ULK4: variants seen among roughly 807,000 people sequenced by gnomAD.
ULK4 encodes unc-51 like kinase 4, also known as inactive serine/threonine-protein kinase ULK4.
A neutral mutation model predicts 160.6 loss-of-function variants in ULK4; 133 were observed. The ratio of observed to expected loss-of-function variants is 0.83; its 90% CI spans 0.72 to 0.96. The LOEUF (loss-of-function observed/expected upper bound fraction) is 0.96. Ranked by LOEUF, ULK4 falls within the 40% of genes least tolerant of loss-of-function variation. The pLI is 0.00. For synonymous variants in ULK4, 534 were observed against 539.8 expected (o/e 0.99, Z 0.15); for missense variants, 1,580 against 1,499.5 (o/e 1.05, Z -0.89).
rs114080594 is a variant in ULK4, at chr3:41,596,223, T to C, written c.3120+19446A>G. 2.5e-3 allele frequency among the ~76,000 whole-genome samples: 376 copies of C among 152,218 alleles called. 1 individual carries two copies. Among genetic ancestry groups the C allele is most frequent in the African/African-American group, 8.2e-3 (340 of 41,512 alleles). On this transcript the variant is annotated intron_variant, in intron 31 of 36. Transcript: ENST00000301831. ...TAAGGCAGCTGCACATTGGGGGCAT[T>C]TGTTTTAGAGGGCAGGAATCATACA...
intron 32 of ULK4, among the ~76,000 whole-genome samples, chr3:41,533,548 G>A (rs1284032999): frequency 6.6e-6 from 1 of 152,220 alleles, no homozygotes; most frequent in Non-Finnish European, 1.5e-5. Flanking sequence ...GCAAGCCATG[G>A]CCTGTGGGCT....
intron 27 of ULK4, among the ~76,000 whole-genome samples, chr3:41,690,668 C>T (rs2036266296): frequency 6.6e-6 from 1 of 151,624 alleles, no homozygotes; most frequent in African/African-American, 2.4e-5. Context: ...CCCCCATCCC[C>T]TTTCTTCATC....
intron 35 of ULK4, among the ~76,000 whole-genome samples, chr3:41,316,571 C>T (rs2080146530): frequency 6.6e-6 from 1 of 152,234 alleles, no homozygotes; most frequent in South Asian, 2.1e-4. Context: ...ACTGAGCACA[C>T]ATGGGCATAA....
intron 34 of ULK4, among the ~76,000 whole-genome samples, chr3:41,424,831 CAAAAAAAA>C (rs36097613): frequency 1.6e-5 from 1 of 62,402 alleles, no homozygotes; most frequent in East Asian, 5.8e-4. Context: ...AAGAAATCAT[CAAAAAAAA>C]AAAAAAAAAA....
In ULK4 at chr3:41,775,869, T is replaced by C. The variant is rs887220950; in HGVS notation, c.2193+13792A>G. Among the ~76,000 whole-genome samples the C allele has an allele frequency of 2.6e-5, 4 of 151,048 alleles. 1 individual carries two copies. Among genetic ancestry groups the C allele is most frequent in the African/African-American group, 7.4e-5 (3 of 40,332 alleles). On this transcript the variant is annotated intron_variant, in intron 21 of 36. Transcript: ENST00000301831. The stretch of plus-strand genomic sequence containing the variant: ...TTCAATCTAGTTTGTTCATTTCTAA[T>C]TGCTGTATAATATTCTACCACAAGG...
chr3:41,833,067 A>T (rs1444924120), intron 18 of ULK4, among the ~76,000 whole-genome samples: 1 of 152,152 alleles, frequency 6.6e-6, no homozygotes, highest in Non-Finnish European at 1.5e-5. Flanking sequence ...AATTCTGTGA[A>T]GAATGTCAAT....
chr3:41,690,744 T>C (rs2036269898), intron 27 of ULK4, among the ~76,000 whole-genome samples: 1 of 151,940 alleles, frequency 6.6e-6, no homozygotes. Context: ...AGACCATCCA[T>C]GGCCTCATAG....
intron 18 of ULK4, among the ~76,000 whole-genome samples, chr3:41,820,570 A>G (rs1373090906): frequency 1.3e-5 from 2 of 152,176 alleles, no homozygotes; most frequent in Non-Finnish European, 2.9e-5. Flanking sequence ...TGTGAGAACT[A>G]AACATGAATA....
intron 33 of ULK4, among the ~76,000 whole-genome samples, chr3:41,461,049 C>T (rs889850817): frequency 6.6e-6 from 1 of 152,266 alleles, no homozygotes; most frequent in African/African-American, 2.4e-5. Context: ...TCACACATAA[C>T]ATTCAGAGGT....
intron 35 of ULK4, among the ~76,000 whole-genome samples, chr3:41,332,194 C>T (rs1372299705): frequency 6.7e-6 from 1 of 149,032 alleles, no homozygotes; most frequent in Non-Finnish European, 1.5e-5. Context: ...AGCAGAGATT[C>T]TCCAGCCAAG....
At chr3:41,519,662 C>A (rs937654568) in intron 32 of ULK4, among the ~76,000 whole-genome samples, 5 of 152,050 alleles carry the variant, frequency 3.3e-5, no homozygotes, top group African/African-American at 1.2e-4. Context: ...AGACACAGTG[C>A]GCACACGAAT....
chr3:41,458,491 C>A (rs563661799), intron 33 of ULK4, among the ~76,000 whole-genome samples: 2 of 151,984 alleles, frequency 1.3e-5, no homozygotes, highest in East Asian at 3.9e-4. Flanking sequence ...AATTCCAGCA[C>A]GTTGGGAGGC....
At chr3:41,250,560 G>A (rs1032410368) in intron 35 of ULK4, among the ~76,000 whole-genome samples, 12 of 152,170 alleles carry the variant, frequency 7.9e-5, no homozygotes, top group African/African-American at 2.9e-4. Context: ...GAACCAGGAT[G>A]GCTTCAGCTG....
At chr3:41,264,133 A>G (rs1282736187) in intron 35 of ULK4, among the ~76,000 whole-genome samples, 1 of 152,206 alleles carries the variant, frequency 6.6e-6, no homozygotes, top group East Asian at 1.9e-4. Flanking sequence ...AGGGACTTAT[A>G]TTGTAAAAAG....
rs537841904 is a variant in ULK4 at position 41,797,198 on chromosome 3, AG to A, written c.2010+2933del. Among the ~76,000 whole-genome samples the A allele has an allele frequency of 1.7e-3, 256 of 152,232 alleles. 1 individual carries two copies. Among genetic ancestry groups the A allele is most frequent in the Non-Finnish European group, 2.3e-3 (158 of 68,030 alleles). On this transcript the variant is annotated intron_variant, in intron 20 of 36. Coordinates refer to ENST00000301831, the MANE Select transcript of ULK4 (RefSeq NM_017886.4). ...AGCTCATGATCAATGCAAAAAAAAA[AG>A]GTGTTTACATTTTTAAAGGGTTACG...
At chr3:41,753,340 T>C (rs936545442) in intron 22 of ULK4, among the ~76,000 whole-genome samples, 1 of 152,152 alleles carries the variant, frequency 6.6e-6, no homozygotes, top group Admixed American at 6.5e-5. Flanking sequence ...AAAAAAATTG[T>C]CAACCCCTAA....
At chr3:41,387,315 G>A (rs1011784365) in intron 35 of ULK4, among the ~76,000 whole-genome samples, 7 of 151,808 alleles carry the variant, frequency 4.6e-5, no homozygotes, top group African/African-American at 1.5e-4. Flanking sequence ...ATCCTACAAC[G>A]GTATAGAATG....
intron 32 of ULK4, among the ~76,000 whole-genome samples, chr3:41,563,345 C>T (rs536146629): frequency 6.6e-6 from 1 of 152,242 alleles, no homozygotes; most frequent in South Asian, 2.1e-4. Context: ...CTTGGGGTTG[C>T]TCTTCTCAAG....
chr3:41,469,075 C>T (rs1559625251), intron 32 of ULK4, among the ~76,000 whole-genome samples: 2 of 152,276 alleles, frequency 1.3e-5, no homozygotes, highest in African/African-American at 4.8e-5. Flanking sequence ...CACAGTCAGC[C>T]TCCAGGACCA....
Sources: allele counts gnomAD v4.1 joint callset (sites outside exome capture counted in the v4.1 genomes callset), GRCh38; gene constraint gnomAD v4.1.1; transcripts MANE v1.5; gene names NCBI Gene and HGNC (gene_info 2026-07-23, HGNC 2026-07-21).